NRXN1: variants seen among roughly 807,000 people sequenced by gnomAD.
NRXN1 encodes neurexin-1.
In NRXN1, 39 loss-of-function variants were observed where a neutral mutation model predicts 150.9. The ratio of observed to expected loss-of-function variants is 0.26; its 90% confidence interval spans 0.20 to 0.34. The LOEUF (loss-of-function observed/expected upper bound fraction) is 0.34. Ranked by LOEUF, NRXN1 falls within the 10% of genes least tolerant of loss-of-function variation. NRXN1 has a pLI of 1.00. For synonymous variants in NRXN1, 924 were observed against 757.0 expected, an observed-to-expected ratio of 1.22 and a Z score of -3.62; for missense variants, 1,815 against 1,949.9, an observed-to-expected ratio of 0.93 and a Z score of 1.30.
intron 18 of NRXN1, among the ~76,000 whole-genome samples, chr2:50,100,827 T>C (rs1209723007): frequency 3.3e-5 from 5 of 152,100 alleles, no homozygotes; most frequent in African/African-American, 1.2e-4. Context: ...AATGTGTCCT[T>C]ATGTGTAAAG....
intron 18 of NRXN1, among the ~76,000 whole-genome samples, chr2:50,220,782 T>A (rs948664852): frequency 2.6e-5 from 4 of 151,922 alleles, no homozygotes; most frequent in African/African-American, 9.7e-5. Context: ...GATTGGAAAA[T>A]AGCTCATGGA....
At chr2:50,153,666 T>C (rs548094439) in intron 18 of NRXN1, among the ~76,000 whole-genome samples, 3 of 151,806 alleles carry the variant, frequency 2.0e-5, no homozygotes, top group South Asian at 4.2e-4. Flanking sequence ...TGCTTTTGAA[T>C]GTCTAAATCT....
At chr2:50,464,986 A>AT (rs2088664039) in intron 17 of NRXN1, among the ~76,000 whole-genome samples, 1 of 151,830 alleles carries the variant, frequency 6.6e-6, no homozygotes, top group South Asian at 2.1e-4. Context: ...GTTTGAACAT[A>AT]TTTTTTTAAA....
chr2:50,080,728 T>G (rs916789770), intron 19 of NRXN1, among the ~76,000 whole-genome samples: 1 of 152,126 alleles, frequency 6.6e-6, no homozygotes. Context: ...TGTTTTAAAC[T>G]GGAAGTACAA....
chr2:50,734,966 A>G (rs1407125849), intron 5 of NRXN1, among the ~76,000 whole-genome samples: 2 of 152,196 alleles, frequency 1.3e-5, no homozygotes, highest in Admixed American at 1.3e-4. Context: ...TTGGGCTACA[A>G]TATACCTGTT....
At chr2:50,042,117 T>G (rs1691071721) in intron 21 of NRXN1, among the ~76,000 whole-genome samples, 2 of 152,218 alleles carry the variant, frequency 1.3e-5, no homozygotes, top group Admixed American at 6.5e-5. Flanking sequence ...AATGTCTTTA[T>G]ACTGCATAAG....
intron 18 of NRXN1, among the ~76,000 whole-genome samples, chr2:50,095,220 A>G (rs1700065976): frequency 6.6e-6 from 1 of 152,150 alleles, no homozygotes; most frequent in African/African-American, 2.4e-5. Context: ...TGAACGGATG[A>G]CCTTTTTACT....
At position 50,201,090 on chromosome 2, in the gene NRXN1, T is replaced by G. The variant is rs147550842; in HGVS notation, c.3546+35699A>C. On this transcript the variant is annotated intron_variant, in intron 18 of 22. Transcript: ENST00000401669. ...TTCAAGTATTGTTTTCAAGATGTAT[T>G]GTGTAGCAGATCAGTAAACAAATAG... is the stretch of plus-strand genomic sequence containing the variant. Among the ~76,000 whole-genome samples, 212 of 152,264 alleles carry G rather than the reference T, an allele frequency of 1.4e-3. 1 individual carries two copies. Among genetic ancestry groups the G allele is most frequent in the African/African-American group, 4.9e-3 (202 of 41,562 alleles).
At chr2:50,037,333 G>C (rs1279754515) in intron 21 of NRXN1, among the ~76,000 whole-genome samples, 1 of 151,792 alleles carries the variant, frequency 6.6e-6, no homozygotes, top group Non-Finnish European at 1.5e-5. Flanking sequence ...AATTTTTGAA[G>C]TCAAAGTAAA....
intron 5 of NRXN1, among the ~76,000 whole-genome samples, chr2:50,759,776 TA>T (rs1288308649): frequency 6.6e-6 from 1 of 151,454 alleles, no homozygotes; most frequent in Non-Finnish European, 1.5e-5. Context: ...TTTTGTCAAT[TA>T]ATCTGCAAAC....
chr2:50,615,059 T>C (rs1678847869), intron 8 of NRXN1, among the ~76,000 whole-genome samples: 1 of 152,184 alleles, frequency 6.6e-6, no homozygotes, highest in South Asian at 2.1e-4. Flanking sequence ...AAAGATAGGA[T>C]ATTTTCCAAA....
intron 5 of NRXN1, among the ~76,000 whole-genome samples, chr2:50,862,393 A>G (rs1676269043): frequency 6.6e-6 from 1 of 152,026 alleles, no homozygotes; most frequent in Non-Finnish European, 1.5e-5. Flanking sequence ...GGGTTCCTAC[A>G]TCTTTTGAAG....
chr2:50,223,151 T>A (rs1002832150), intron 18 of NRXN1, among the ~76,000 whole-genome samples: 5 of 151,896 alleles, frequency 3.3e-5, no homozygotes, highest in African/African-American at 1.2e-4. Flanking sequence ...TGAATCTAGT[T>A]TATGTCTGGA....
At chr2:50,077,014 G>A (rs1697216462) in intron 19 of NRXN1, among the ~76,000 whole-genome samples, 1 of 152,158 alleles carries the variant, frequency 6.6e-6, no homozygotes, top group Non-Finnish European at 1.5e-5. Context: ...AAGCACTGGA[G>A]TAGGCTTTAG....
Position 50,098,840 on chromosome 2 carries a change from T to G in NRXN1, c.3547-7346A>C, listed in dbSNP as rs1446778549. Among the ~76,000 whole-genome samples the G allele has an allele frequency of 1.6e-3, 13 of 8,328 alleles. 1 individual carries two copies. Among genetic ancestry groups the G allele is most frequent in the African/African-American group, 0.011 (12 of 1,114 alleles). 5.5% of individuals were successfully genotyped at this position (8,328 alleles called of 152,430 possible). The stretch of plus-strand genomic sequence containing the variant: ...TTGTTTTTGGTTTTAGTTTTTTTTT[T>G]TTTTTTTTTTTTTTTTTTTTTTTTT... On this transcript the variant is annotated intron_variant, in intron 18 of 22. Coordinates refer to ENST00000401669, the MANE Select transcript of NRXN1 (RefSeq NM_001330078.2).
At chr2:50,649,724 TTGTC>T (rs1253191832) in intron 5 of NRXN1, among the ~76,000 whole-genome samples, 2 of 151,990 alleles carry the variant, frequency 1.3e-5, no homozygotes, top group African/African-American at 4.8e-5. Context: ...TAATATATCA[TTGTC>T]TGAAAATTGT....
At chr2:49,954,046 A>G (rs913221850) in intron 21 of NRXN1, among the ~76,000 whole-genome samples, 1 of 152,120 alleles carries the variant, frequency 6.6e-6, no homozygotes, top group Non-Finnish European at 1.5e-5. Flanking sequence ...ATTATAACTA[A>G]TAATTTTTGT....
In NRXN1 at chr2:50,117,856, G is replaced by C. The variant is rs1208036690; in HGVS notation, c.3547-26362C>G. On this transcript the variant is annotated intron_variant, in intron 18 of 22. Transcript: ENST00000401669. ...AGATAGATTCACTAGCATTTCTAGA[G>C]TGAAAAATTACTAGAATTGGCCCAC... 2.6e-5 allele frequency among the ~76,000 whole-genome samples: 4 copies of C among 151,772 alleles called. No individual in the cohort carries two copies. The East Asian group carries it at 7.7e-4, about 29-fold the overall frequency.
Position 49,921,879 on chromosome 2 carries a change from T to C in NRXN1, c.*65A>G, listed in dbSNP as rs200399434. 50 of 1,516,254 alleles carry C rather than the reference T, an allele frequency of 3.3e-5. No individual in the cohort carries two copies. Among genetic ancestry groups the C allele is most frequent in the Non-Finnish European group, 4.3e-5 (47 of 1,097,920 alleles). 93.9% of individuals were successfully genotyped at this position (1,516,254 alleles called of 1,614,324 possible). On this transcript the variant is annotated 3_prime_UTR_variant, in exon 23 of 23. Coordinates refer to ENST00000401669, the MANE Select transcript of NRXN1 (RefSeq NM_001330078.2). ...CTTCATAAAAAGGAAAGTAAATAAG[T>C]TTATATTATGTCTCAGATAAAATGA...
Sources: allele counts gnomAD v4.1 joint callset (sites outside exome capture counted in the v4.1 genomes callset), GRCh38; gene constraint gnomAD v4.1.1; transcripts MANE v1.5; gene names NCBI Gene and HGNC (gene_info 2026-07-23, HGNC 2026-07-21).